The following FBXO11 variants were observed in gnomAD, a reference collection of about 807,000 sequenced individuals.
FBXO11 encodes the protein F-box only protein 11.
In FBXO11, 13 loss-of-function variants were observed where a neutral mutation model predicts 117.0. The ratio of observed to expected loss-of-function variants is 0.11; its 90% confidence interval spans 0.07 to 0.18. The LOEUF (loss-of-function observed/expected upper bound fraction) is 0.18. Among genes scored for constraint, FBXO11 ranks in the 10% least tolerant of loss-of-function variants. The probability of loss-of-function intolerance (pLI) is 1.00; values close to 1 mark genes in which losing one functional copy is unlikely to be tolerated. For missense variants in FBXO11, 767 were observed against 1,164.4 expected (o/e 0.66, Z 4.97); for synonymous variants, 490 against 380.5 (o/e 1.29, Z -3.35).
chr2:47,817,770 AAC>A lies in FBXO11; in HGVS notation c.2006+1007_2006+1008del, dbSNP rs1671105598. Among the ~76,000 whole-genome samples the A allele has an allele frequency of 2.0e-5, 3 of 152,246 alleles. No homozygotes were observed. The South Asian group carries it at 6.2e-4, about 31-fold the overall frequency. On this transcript the variant is annotated intron_variant, in intron 16 of 22. Coordinates refer to ENST00000403359, the MANE Select transcript of FBXO11 (RefSeq NM_001190274.2). ...AATGGCTGCTTGGTGGAACAGTCAG[AAC>A]ACACACAACGTTTACAGATGAAGTT... is the stretch of plus-strand genomic sequence containing the variant.
chr2:47,889,532 A>C (rs1390311760), intron 1 of FBXO11, among the ~76,000 whole-genome samples: 1 of 152,232 alleles, frequency 6.6e-6, no homozygotes, highest in Non-Finnish European at 1.5e-5. Flanking sequence ...TTAAAAATCT[A>C]AGAACTAAAT....
chr2:47,816,599 A>C (rs1435610906), intron 16 of FBXO11, among the ~76,000 whole-genome samples: 1 of 152,174 alleles, frequency 6.6e-6, no homozygotes, highest in Non-Finnish European at 1.5e-5. Context: ...GCTTTCTAAA[A>C]AGTATTTCTT....
chr2:47,822,330 G>A (rs760807241), intron 12 of FBXO11, 27 bp from the exon 13 acceptor site: 3 of 1,427,096 alleles, frequency 2.1e-6, no homozygotes, highest in South Asian at 1.2e-5. Flanking sequence ...TAAAAAAAAA[G>A]AAGACATCTA....
chr2:47,845,437 T>A (rs549443410), intron 1 of FBXO11, among the ~76,000 whole-genome samples: 4 of 152,314 alleles, frequency 2.6e-5, no homozygotes, highest in South Asian at 2.1e-4. Context: ...ATAGTTCTCA[T>A]ATTAAATTAC....
chr2:47,900,586 A>ACG (rs1678044808), intron 1 of FBXO11, among the ~76,000 whole-genome samples: 9 of 129,298 alleles, frequency 7.0e-5, no homozygotes, highest in African/African-American at 1.8e-4. Context: ...ACACACATAT[A>ACG]TACGTATATA....
chr2:47,810,287 AGCCACAG>A, intron 19 of FBXO11, 22 bp downstream of exon 19: 1 of 1,432,224 alleles, frequency 7.0e-7, no homozygotes, highest in Non-Finnish European at 9.7e-7. Context: ...ACTATATATA[AGCCACAG>A]GTAAGAAAAG....
chr2:47,868,257 T>C (rs984302255), intron 1 of FBXO11, among the ~76,000 whole-genome samples: 3 of 119,970 alleles, frequency 2.5e-5, no homozygotes, highest in African/African-American at 9.9e-5. Flanking sequence ...CACTACAGCC[T>C]GGGGGTAGAG....
At chr2:47,838,222 G>C (rs1039024637) in intron 4 of FBXO11, among the ~76,000 whole-genome samples, 2 of 152,026 alleles carry the variant, frequency 1.3e-5, no homozygotes, top group African/African-American at 4.8e-5. Context: ...GACAGAGCAA[G>C]ACCCTGTCTC....
Position 47,807,705 on chromosome 2 carries a change from TCA to T in FBXO11, c.*411_*412del, listed in dbSNP as rs1670321629. 1 of 234,184 alleles carries T rather than the reference TCA, an allele frequency of 4.3e-6. No homozygotes were observed. 14.5% of individuals were successfully genotyped at this position (234,184 alleles called of 1,614,324 possible). A position where few individuals can be genotyped will look rare whatever the true frequency, so the allele number is the denominator to read the frequency against. On this transcript the variant is annotated 3_prime_UTR_variant, in exon 23 of 23. Coordinates refer to ENST00000403359, the MANE Select transcript of FBXO11 (RefSeq NM_001190274.2). Reference sequence around the variant, plus strand: ...TCAAAAGGAACGCAGAAGTGCTAGCTCACATTTTTACCATATTACAAAAGCAA... The same window carrying T: ...TCAAAAGGAACGCAGAAGTGCTAGCTCATTTTTACCATATTACAAAAGCAA...
At position 47,807,530 on chromosome 2, in the gene FBXO11, A is replaced by G. The variant is rs1275973885; in HGVS notation, c.*588T>C. ...ATAGAAAGAACGTACATACTGGGAC[A>G]TGAGTACAGTTACAGCAAGTCTAGG... is the stretch of plus-strand genomic sequence containing the variant. On this transcript the variant is annotated 3_prime_UTR_variant, in exon 23 of 23. Coordinates refer to ENST00000403359, the MANE Select transcript of FBXO11 (RefSeq NM_001190274.2). 2 of 211,658 alleles carry G rather than the reference A, an allele frequency of 9.4e-6. No homozygotes were observed. The highest frequency in any genetic ancestry group is 1.9e-5 in the Non-Finnish European group (2 of 104,234). The allele number at this position is 211,658 out of a possible 1,614,324, so 13.1% of individuals were successfully genotyped here. A position where few individuals can be genotyped will look rare whatever the true frequency, so the allele number is the denominator to read the frequency against.
At chr2:47,890,093 G>A (rs1677150194) in intron 1 of FBXO11, among the ~76,000 whole-genome samples, 1 of 152,006 alleles carries the variant, frequency 6.6e-6, no homozygotes, top group South Asian at 2.1e-4. Context: ...TAGGACTACA[G>A]GTACATGCCA....
chr2:47,875,291 G>A (rs1331003800), intron 1 of FBXO11, among the ~76,000 whole-genome samples: 1 of 152,116 alleles, frequency 6.6e-6, no homozygotes, highest in Non-Finnish European at 1.5e-5. Flanking sequence ...ATAGTCACAT[G>A]TGGCAAGTGG....
intron 1 of FBXO11, among the ~76,000 whole-genome samples, chr2:47,890,747 T>C (rs1677195722): frequency 6.6e-6 from 1 of 151,808 alleles, no homozygotes; most frequent in Non-Finnish European, 1.5e-5. Flanking sequence ...GAGGTTGCAG[T>C]GAGCCAAGAC....
intron 2 of FBXO11, 31 bp downstream of exon 2, chr2:47,839,611 C>G: frequency 6.2e-7 from 1 of 1,605,068 alleles, no homozygotes; most frequent in South Asian, 1.1e-5. Context: ...TCTTTCATTA[C>G]AAAAAGAAAA....
intron 21 of FBXO11, 27 bp downstream of exon 21, chr2:47,809,131 C>T: frequency 7.3e-7 from 1 of 1,378,600 alleles, no homozygotes; most frequent in Non-Finnish European, 1.0e-6. Flanking sequence ...TTCCTCTTTT[C>T]AGGACTCAAA....
At chr2:47,866,462 G>C (rs531570632) in intron 1 of FBXO11, among the ~76,000 whole-genome samples, 130 of 151,402 alleles carry the variant, frequency 8.6e-4, no homozygotes, top group African/African-American at 3.1e-3. Flanking sequence ...ACATATCTAC[G>C]CTAGCAAGTT....
intron 1 of FBXO11, among the ~76,000 whole-genome samples, chr2:47,856,284 A>C (rs1016155907): frequency 1.3e-5 from 2 of 152,218 alleles, no homozygotes; most frequent in African/African-American, 4.8e-5. Flanking sequence ...TTATAAAGTT[A>C]ATCTTCTCCA....
At chr2:47,820,311 C>A (rs1417879126) in intron 14 of FBXO11, 51 bp downstream of exon 14, 6 of 1,423,880 alleles carry the variant, frequency 4.2e-6, no homozygotes, top group East Asian at 2.3e-5. Flanking sequence ...AACCCTTTAT[C>A]CCCCTGGTTT....
At chr2:47,808,561 T>G in intron 21 of FBXO11, 134 bp from the exon 22 acceptor site, 1 of 653,130 alleles carries the variant, frequency 1.5e-6, no homozygotes, top group South Asian at 2.8e-5. Flanking sequence ...CAGCCCAGAT[T>G]AATTCTGAAA....
Sources: gnomAD v4.1 joint callset for allele counts (sites outside exome capture counted in the v4.1 genomes callset) on GRCh38, gnomAD v4.1.1 for gene constraint, MANE v1.5 for transcripts, NCBI Gene and HGNC (gene_info 2026-07-23, HGNC 2026-07-21) for gene names.